PXDNL: variants seen among roughly 807,000 people sequenced by gnomAD.
PXDNL encodes the protein probable oxidoreductase PXDNL.
Under a neutral mutation model 150.8 loss-of-function variants are expected in PXDNL, and 145 were observed. That is an observed-to-expected ratio of 0.96 (90% confidence interval 0.84 to 1.10). PXDNL has a LOEUF of 1.10. Ranked by LOEUF, PXDNL falls within the 50% of genes least tolerant of loss-of-function variation. The pLI is 0.00. For synonymous variants in PXDNL, 757 were observed against 725.7 expected (o/e 1.04, Z -0.69); for missense variants, 2,087 against 1,873.9 (o/e 1.11, Z -2.10).
chr8:51,340,475 GT>G (rs1283130673), intron 20 of PXDNL, among the ~76,000 whole-genome samples: 7 of 152,078 alleles, frequency 4.6e-5, no homozygotes, highest in African/African-American at 1.4e-4. Flanking sequence ...GTGCTCTTAC[GT>G]TTTTCCAAAT....
intron 1 of PXDNL, among the ~76,000 whole-genome samples, chr8:51,803,028 T>G (rs1314972040): frequency 2.0e-5 from 3 of 152,180 alleles, no homozygotes; most frequent in Admixed American, 2.0e-4. Context: ...CATCCAGGTA[T>G]CCTCAAAATT....
chr8:51,387,918 A>G (rs1807770090), intron 17 of PXDNL, among the ~76,000 whole-genome samples: 1 of 152,124 alleles, frequency 6.6e-6, no homozygotes, highest in African/African-American at 2.4e-5. Context: ...ATCATGTTGC[A>G]CTATTCTTAA....
chr8:51,597,356 C>CT (rs940609244), intron 2 of PXDNL, among the ~76,000 whole-genome samples: 6 of 151,908 alleles, frequency 3.9e-5, no homozygotes, highest in African/African-American at 1.2e-4. Flanking sequence ...TGGCTTTGTT[C>CT]TTTTTTTAAG....
At chr8:51,644,337 T>TATATATATATATATAG (rs762947295) in intron 2 of PXDNL, among the ~76,000 whole-genome samples, 1 of 50,168 alleles carries the variant, frequency 2.0e-5, no homozygotes, top group Non-Finnish European at 5.2e-5. Flanking sequence ...TATATATATA[T>TATATATATATATATAG]ACACACACAC....
chr8:51,805,299 T>G (rs2037663373), intron 1 of PXDNL, among the ~76,000 whole-genome samples: 2 of 150,222 alleles, frequency 1.3e-5, no homozygotes, highest in Non-Finnish European at 3.0e-5. Context: ...CCTATTAAGT[T>G]GTATTTTATA....
At chr8:51,414,938 A>G (rs1473123629) in intron 14 of PXDNL, among the ~76,000 whole-genome samples, 1 of 152,256 alleles carries the variant, frequency 6.6e-6, no homozygotes, top group Non-Finnish European at 1.5e-5. Flanking sequence ...CTAGCAAAAA[A>G]TAAAAAGCTG....
chr8:51,648,945 T>C (rs985503770), intron 2 of PXDNL, among the ~76,000 whole-genome samples: 3 of 152,196 alleles, frequency 2.0e-5, no homozygotes, highest in Non-Finnish European at 4.4e-5. Flanking sequence ...TACAAATGGG[T>C]AGAAATTCCA....
intron 19 of PXDNL, among the ~76,000 whole-genome samples, chr8:51,363,943 T>C (rs1419593206): frequency 6.6e-6 from 1 of 152,192 alleles, no homozygotes; most frequent in East Asian, 1.9e-4. Context: ...GTATTATAGA[T>C]ACTATAGTAC....
chr8:51,460,976 G>T (rs201850711), intron 8 of PXDNL, among the ~76,000 whole-genome samples: 5 of 152,218 alleles, frequency 3.3e-5, no homozygotes, highest in East Asian at 3.9e-4. Flanking sequence ...ATGCTCCCTT[G>T]TCTCTGGACC....
intron 1 of PXDNL, among the ~76,000 whole-genome samples, chr8:51,669,776 G>A (rs992121379): frequency 4.6e-5 from 7 of 152,140 alleles, no homozygotes; most frequent in Non-Finnish European, 7.4e-5. Flanking sequence ...ACAAAGACAC[G>A]CTAATCTAAT....
chr8:51,642,301 T>C (rs1814781250), intron 2 of PXDNL, among the ~76,000 whole-genome samples: 1 of 152,098 alleles, frequency 6.6e-6, no homozygotes, highest in African/African-American at 2.4e-5. Context: ...GGCACATGTA[T>C]ACATATGTAA....
intron 3 of PXDNL, among the ~76,000 whole-genome samples, chr8:51,576,116 A>G (rs1391634798): frequency 6.6e-6 from 1 of 151,598 alleles, no homozygotes; most frequent in African/African-American, 2.4e-5. Context: ...GAAGACCTAA[A>G]CAGAAAATCA....
intron 17 of PXDNL, among the ~76,000 whole-genome samples, chr8:51,385,776 A>G (rs1470391544): frequency 6.6e-6 from 1 of 152,152 alleles, no homozygotes; most frequent in Non-Finnish European, 1.5e-5. Flanking sequence ...TTCTCCTGGT[A>G]CTGAGTAAGT....
At chr8:51,389,321 C>A (rs772802823) in intron 17 of PXDNL, among the ~76,000 whole-genome samples, 2 of 152,154 alleles carry the variant, frequency 1.3e-5, no homozygotes, top group African/African-American at 2.4e-5. Context: ...AATTCAGATT[C>A]TTTTCCTGTG....
Position 51,409,017 on chromosome 8 carries a change from A to G in PXDNL, c.2607T>C (p.Cys869=). ...CMLFARSSPA[C]ASGRPSATVD... is the part of the protein sequence containing the mutation. ...CCGTCGCAGAGGGACGGCCGCTGGC[A>G]CACGCGGGGCTGGAGCGCGCGAAGA... The change falls in exon 17 of 23, where the codon TGT becomes TGC. Residue 869 remains cysteine (C), a synonymous_variant. Coordinates refer to ENST00000356297, the MANE Select transcript of PXDNL (RefSeq NM_144651.5). 3 of 1,610,990 alleles carry G rather than the reference A, an allele frequency of 1.9e-6. No individual in the cohort carries two copies. The highest frequency in any genetic ancestry group is 2.5e-6 in the Non-Finnish European group (3 of 1,179,818).
At chr8:51,616,890 T>C (rs1008455930) in intron 2 of PXDNL, among the ~76,000 whole-genome samples, 5 of 152,222 alleles carry the variant, frequency 3.3e-5, no homozygotes, top group Non-Finnish European at 5.9e-5. Flanking sequence ...TATAATATAA[T>C]GTAAATGCTA....
chr8:51,524,108 G>A (rs754220895), intron 4 of PXDNL, among the ~76,000 whole-genome samples: 2 of 150,578 alleles, frequency 1.3e-5, no homozygotes, highest in South Asian at 2.1e-4. Context: ...TTGCCACCTC[G>A]GTTCCTCATG....
At chr8:51,359,064 G>A (rs753923349) in intron 19 of PXDNL, among the ~76,000 whole-genome samples, 6 of 152,078 alleles carry the variant, frequency 3.9e-5, no homozygotes, top group Non-Finnish European at 7.4e-5. Context: ...TTTAGCCTAC[G>A]GGAGGCTGAT....
intron 6 of PXDNL, among the ~76,000 whole-genome samples, chr8:51,482,339 A>T (rs1336374649): frequency 6.6e-6 from 1 of 151,910 alleles, no homozygotes; most frequent in Non-Finnish European, 1.5e-5. Flanking sequence ...TTTACCCAAC[A>T]CCTGTACCCC....
Sources: gnomAD v4.1 joint callset for allele counts (sites outside exome capture counted in the v4.1 genomes callset) on GRCh38, gnomAD v4.1.1 for gene constraint, MANE v1.5 for transcripts, NCBI Gene and HGNC (gene_info 2026-07-23, HGNC 2026-07-21) for gene names.